Variants in RIGI observed in about 807,000 individuals in gnomAD.
RIGI encodes the protein antiviral innate immune response receptor RIG-I.
the RIGI span, chr9:32,489,520 C>T: frequency 2.3e-6 from 2 of 873,328 alleles, no homozygotes; most frequent in South Asian, 3.4e-5. Context: ...TAGCTACAGT[C>T]TAATGTCCAC....
chr9:32,515,584 T>C, the RIGI span, among the ~76,000 whole-genome samples: 1 of 152,204 alleles, frequency 6.6e-6, no homozygotes, highest in Admixed American at 6.5e-5. Flanking sequence ...ACTACCTCCC[T>C]TGTAATTTTT....
chr9:32,463,768 A>G, the RIGI span, among the ~76,000 whole-genome samples: 2 of 151,854 alleles, frequency 1.3e-5, no homozygotes, highest in African/African-American at 4.8e-5. Flanking sequence ...AACTATCTTA[A>G]TTATGTGTAG....
chr9:32,519,457 G>C, the RIGI span, among the ~76,000 whole-genome samples: 3 of 152,164 alleles, frequency 2.0e-5, no homozygotes, highest in Non-Finnish European at 2.9e-5. Context: ...TAATGAACTA[G>C]AGAGCTATAA....
At chr9:32,466,308 T>A in the RIGI span, 3 of 1,613,838 alleles carry the variant, frequency 1.9e-6, no homozygotes, top group Non-Finnish European at 2.5e-6. Flanking sequence ...TAAATACTGC[T>A]TCGTCCCATG....
chr9:32,499,312 A>G, the RIGI span, among the ~76,000 whole-genome samples: 1 of 32,320 alleles, frequency 3.1e-5, no homozygotes, highest in Non-Finnish European at 5.7e-5. Flanking sequence ...AGAGTTTGTG[A>G]TTTGTTTTTT....
At chr9:32,517,657 T>C in the RIGI span, among the ~76,000 whole-genome samples, 310 of 152,366 alleles carry the variant, frequency 2.0e-3, no homozygotes, top group African/African-American at 7.2e-3. Flanking sequence ...GTTATAAAGC[T>C]ATAAACCCAG....
the RIGI span, among the ~76,000 whole-genome samples, chr9:32,475,665 T>A: frequency 6.6e-6 from 1 of 152,100 alleles, no homozygotes; most frequent in African/African-American, 2.4e-5. Flanking sequence ...ACAAAATTAA[T>A]TTAAAATTGA....
chr9:32,486,237 A>G, the RIGI span, among the ~76,000 whole-genome samples: 1 of 152,042 alleles, frequency 6.6e-6, no homozygotes, highest in Non-Finnish European at 1.5e-5. Flanking sequence ...GGATCACTTG[A>G]GGTCAGGAAT....
At chr9:32,464,654 G>A in the RIGI span, among the ~76,000 whole-genome samples, 3 of 152,180 alleles carry the variant, frequency 2.0e-5, no homozygotes, top group African/African-American at 7.2e-5. Flanking sequence ...TGGGATTACA[G>A]GCATGAGCCA....
the RIGI span, chr9:32,457,490 A>T: frequency 8.0e-7 from 1 of 1,254,740 alleles, no homozygotes; most frequent in South Asian, 1.8e-5. Flanking sequence ...ATTTAAAAAA[A>T]AAAAAAAGAA....
chr9:32,520,670 G>C, the RIGI span, among the ~76,000 whole-genome samples: 1 of 152,126 alleles, frequency 6.6e-6, no homozygotes, highest in African/African-American at 2.4e-5. Context: ...TTAGTTCAGG[G>C]TTTTTCTATA....
chr9:32,503,979 T>C, the RIGI span, among the ~76,000 whole-genome samples: 1 of 150,170 alleles, frequency 6.7e-6, no homozygotes, highest in Admixed American at 6.6e-5. Context: ...GAGACAGAAG[T>C]TGCCATGAGC....
chr9:32,516,769 C>G, the RIGI span, among the ~76,000 whole-genome samples: 1 of 152,208 alleles, frequency 6.6e-6, no homozygotes, highest in African/African-American at 2.4e-5. Context: ...TTGTGTCTGG[C>G]CAAGTTAGTG....
chr9:32,458,131 A>G, the RIGI span, among the ~76,000 whole-genome samples: 5 of 152,164 alleles, frequency 3.3e-5, no homozygotes, highest in Non-Finnish European at 5.9e-5. Flanking sequence ...TCCTGAAGTA[A>G]TAACTCCTCA....
the RIGI span, among the ~76,000 whole-genome samples, chr9:32,466,690 CAAAA>C: frequency 2.3e-4 from 16 of 68,612 alleles, no homozygotes; most frequent in African/African-American, 8.7e-4. Flanking sequence ...AGACCTATCT[CAAAA>C]AAAAAAAAAA....
chr9:32,513,393 T>C, the RIGI span, among the ~76,000 whole-genome samples: 2 of 152,088 alleles, frequency 1.3e-5, no homozygotes, highest in Non-Finnish European at 2.9e-5. Context: ...TATAGACCAA[T>C]GGAACAGAAC....
chr9:32,514,215 C>T, the RIGI span, among the ~76,000 whole-genome samples: 1 of 152,180 alleles, frequency 6.6e-6, no homozygotes, highest in South Asian at 2.1e-4. Flanking sequence ...ACCCAGCAAT[C>T]CCATTACTGG....
chr9:32,465,745 T>C, the RIGI span, among the ~76,000 whole-genome samples: 1 of 152,148 alleles, frequency 6.6e-6, no homozygotes, highest in Non-Finnish European at 1.5e-5. Flanking sequence ...GAGATGAAAA[T>C]CTCTGCAATG....
the RIGI span, chr9:32,488,718 C>A: frequency 6.5e-7 from 1 of 1,536,140 alleles, no homozygotes; most frequent in African/African-American, 1.4e-5. Context: ...GAAGTTGAAG[C>A]AACTATTATA....
Sources: gnomAD v4.1 joint callset for allele counts (sites outside exome capture counted in the v4.1 genomes callset) on GRCh38, gnomAD v4.1.1 for gene constraint, MANE v1.5 for transcripts, NCBI Gene and HGNC (gene_info 2026-07-23, HGNC 2026-07-21) for gene names.